The following AGBL4 variants were observed in gnomAD, a reference collection of about 807,000 sequenced individuals.
AGBL4 encodes the protein cytosolic carboxypeptidase 6.
A neutral mutation model predicts 66.4 loss-of-function variants in AGBL4; 58 were observed. That is an observed-to-expected ratio of 0.87 (90% CI 0.71 to 1.09). The LOEUF (loss-of-function observed/expected upper bound fraction) is 1.09, where lower values mean the gene tolerates loss of function less well. Among genes scored for constraint, AGBL4 ranks in the 50% least tolerant of loss-of-function variants. The pLI is 0.00. For synonymous variants in AGBL4, 234 were observed against 222.9 expected (o/e 1.05, Z -0.44); for missense variants, 579 against 631.0 (o/e 0.92, Z 0.88).
rs561858170 is a variant in AGBL4 at position 49,457,562 on chromosome 1, T to C, written c.283-211698A>G. 5.1e-4 allele frequency among the ~76,000 whole-genome samples: 77 copies of C among 151,962 alleles called. 1 individual carries two copies. Among genetic ancestry groups the C allele is most frequent in the Middle Eastern group, 3.4e-3 (1 of 294 alleles). ...TTTGCTGTGCAGAAGCTTTTAAGTT[T>C]AACTCGGTTCCATCTTTTTATCTTT... is the stretch of plus-strand genomic sequence containing the variant. On this transcript the variant is annotated intron_variant, in intron 3 of 13. Transcript: ENST00000371839.
At chr1:49,924,112 T>C (rs1474409874) in intron 1 of AGBL4, among the ~76,000 whole-genome samples, 3 of 152,178 alleles carry the variant, frequency 2.0e-5, no homozygotes, top group African/African-American at 7.2e-5. Flanking sequence ...ATGTGGTACA[T>C]ATATACAATG....
At chr1:49,382,320 G>C (rs1277918287) in intron 3 of AGBL4, among the ~76,000 whole-genome samples, 3 of 152,012 alleles carry the variant, frequency 2.0e-5, no homozygotes, top group Non-Finnish European at 4.4e-5. Context: ...TTATAAGTTA[G>C]GCAATGCATC....
intron 2 of AGBL4, among the ~76,000 whole-genome samples, chr1:49,812,306 C>T (rs1434424056): frequency 6.6e-6 from 1 of 152,138 alleles, no homozygotes; most frequent in African/African-American, 2.4e-5. Context: ...CAAGGTGGAA[C>T]GAAAGGGAGA....
intron 6 of AGBL4, among the ~76,000 whole-genome samples, chr1:48,679,649 AG>A (rs1311470266): frequency 6.6e-6 from 1 of 152,234 alleles, no homozygotes; most frequent in Non-Finnish European, 1.5e-5. Context: ...CACTTGCTCC[AG>A]GTCACATGGC....
At chr1:48,688,554 T>C (rs1646570402) in intron 6 of AGBL4, among the ~76,000 whole-genome samples, 1 of 152,232 alleles carries the variant, frequency 6.6e-6, no homozygotes, top group African/African-American at 2.4e-5. Context: ...TATGCAGTCC[T>C]TGGCCTCTAG....
intron 1 of AGBL4, among the ~76,000 whole-genome samples, chr1:49,882,507 T>C (rs1191976092): frequency 6.6e-6 from 1 of 152,022 alleles, no homozygotes; most frequent in Admixed American, 6.6e-5. Context: ...ATATTGATTC[T>C]TCCTACCCAT....
chr1:49,420,192 G>A (rs746652098), intron 3 of AGBL4, among the ~76,000 whole-genome samples: 3 of 152,128 alleles, frequency 2.0e-5, no homozygotes, highest in Non-Finnish European at 2.9e-5. Flanking sequence ...AAAATCTCTC[G>A]GGATTGAAAC....
intron 1 of AGBL4, among the ~76,000 whole-genome samples, chr1:49,925,494 C>G (rs1390188458): frequency 6.6e-6 from 1 of 152,058 alleles, no homozygotes; most frequent in African/African-American, 2.4e-5. Context: ...TTGAGAAAAG[C>G]AAGGGGAGAA....
chr1:49,993,928 A>C (rs897570044), intron 1 of AGBL4, among the ~76,000 whole-genome samples: 7 of 152,244 alleles, frequency 4.6e-5, no homozygotes, highest in Non-Finnish European at 1.0e-4. Flanking sequence ...TTTTACCAGA[A>C]TCATTCCCAT....
At chr1:49,453,330 T>C (rs559380558) in intron 3 of AGBL4, among the ~76,000 whole-genome samples, 3 of 151,952 alleles carry the variant, frequency 2.0e-5, no homozygotes, top group South Asian at 4.2e-4. Context: ...ACAAATATCC[T>C]CTATAATGAC....
intron 1 of AGBL4, among the ~76,000 whole-genome samples, chr1:49,853,847 T>C (rs1305827474): frequency 6.6e-6 from 1 of 151,998 alleles, no homozygotes; most frequent in Admixed American, 6.6e-5. Context: ...CTTTCAAAGA[T>C]GAAGTACAAA....
At chr1:48,926,316 G>A (rs1273322875) in intron 5 of AGBL4, among the ~76,000 whole-genome samples, 1 of 143,452 alleles carries the variant, frequency 7.0e-6, no homozygotes, top group African/African-American at 2.6e-5. Context: ...GTCTCACTCT[G>A]TTGCCTATGC....
chr1:48,692,558 T>C (rs1442945256), intron 6 of AGBL4, among the ~76,000 whole-genome samples: 1 of 152,166 alleles, frequency 6.6e-6, no homozygotes, highest in Non-Finnish European at 1.5e-5. Flanking sequence ...CAAACACAAC[T>C]AGGACCCCTC....
rs145342488 is a variant in AGBL4, at chr1:48,998,101, T to C, written c.594+47483A>G. Among the ~76,000 whole-genome samples, 7 of 152,342 alleles carry C rather than the reference T, an allele frequency of 4.6e-5. No homozygotes were observed. In the East Asian group the frequency reaches 9.7e-4, roughly 21 times the overall value. ...CTGAAGCCAAACTATTTCATCTTTA[T>C]TGGCATTTTAAAAAATGCAATTTCA... On this transcript the variant is annotated intron_variant, in intron 5 of 13. Transcript: ENST00000371839.
At chr1:49,135,785 C>T (rs1416397530) in intron 4 of AGBL4, among the ~76,000 whole-genome samples, 1 of 152,122 alleles carries the variant, frequency 6.6e-6, no homozygotes, top group South Asian at 2.1e-4. Context: ...AACCTTCCAG[C>T]TTGGGCGTTA....
At chr1:48,666,483 G>A (rs776567440) in intron 6 of AGBL4, among the ~76,000 whole-genome samples, 10 of 152,300 alleles carry the variant, frequency 6.6e-5, no homozygotes, top group South Asian at 4.1e-4. Flanking sequence ...TAAACAGCAG[G>A]TGTTTGAAGT....
chr1:48,562,127 G>A lies in AGBL4; in HGVS notation c.1268-22389C>T, dbSNP rs58061572. Reference sequence around the variant, plus strand: ...CAGACCTTGGGCTTGGCTTCCTGAAGAATGTTCCTCTCAATCGTGAGTAAG... The same window carrying A: ...CAGACCTTGGGCTTGGCTTCCTGAAAAATGTTCCTCTCAATCGTGAGTAAG... On this transcript the variant is annotated intron_variant, in intron 11 of 13. Coordinates refer to ENST00000371839, the MANE Select transcript of AGBL4 (RefSeq NM_032785.4). 9.4e-3 allele frequency among the ~76,000 whole-genome samples: 1,424 copies of A among 152,290 alleles called. 20 individuals carry two copies. Among genetic ancestry groups the A allele is most frequent in the African/African-American group, 0.032 (1,342 of 41,562 alleles).
At chr1:49,170,698 G>A (rs1362789136) in intron 4 of AGBL4, among the ~76,000 whole-genome samples, 2 of 150,480 alleles carry the variant, frequency 1.3e-5, no homozygotes, top group African/African-American at 4.9e-5. Flanking sequence ...TATGAATTGT[G>A]ACTATTTTGA....
chr1:48,781,235 A>G lies in AGBL4; in HGVS notation c.634+85956T>C, dbSNP rs1645284636. 2.6e-5 allele frequency among the ~76,000 whole-genome samples: 4 copies of G among 152,154 alleles called. No homozygotes were observed. In the South Asian group the frequency reaches 8.3e-4, roughly 32 times the overall value. The stretch of plus-strand genomic sequence containing the variant: ...ACAGAGTAAACACAGATCAAAACAC[A>G]TGTTTCATAGATCCACAGAATCGAT... On this transcript the variant is annotated intron_variant, in intron 6 of 13. Coordinates refer to ENST00000371839, the MANE Select transcript of AGBL4 (RefSeq NM_032785.4).
Sources: allele counts gnomAD v4.1 joint callset (sites outside exome capture counted in the v4.1 genomes callset), GRCh38; gene constraint gnomAD v4.1.1; transcripts MANE v1.5; gene names NCBI Gene and HGNC (gene_info 2026-07-23, HGNC 2026-07-21).